GLIPR1: variants seen among roughly 807,000 people sequenced by gnomAD.
GLIPR1 encodes the protein GLI pathogenesis related 1.
A neutral mutation model predicts 30.3 loss-of-function variants in GLIPR1; 38 were observed. That is an observed-to-expected ratio of 1.26 (90% confidence interval 0.97 to 1.65). The LOEUF (loss-of-function observed/expected upper bound fraction) is 1.65. Among genes scored for constraint, GLIPR1 ranks in the 40% most tolerant of loss-of-function variants. GLIPR1 has a pLI of 0.00. For synonymous variants in GLIPR1, 122 were observed against 110.6 expected (o/e 1.10, Z -0.65); for missense variants, 285 against 326.5 (o/e 0.87, Z 0.98).
intron 2 of GLIPR1, chr12:75,483,398 G>A (rs2046280227): frequency 6.6e-6 from 1 of 152,142 alleles, no homozygotes; most frequent in Non-Finnish European, 1.5e-5. Context: ...CCCTATAACA[G>A]GCACTAGTGA....
At position 75,480,837 on chromosome 12, in the gene GLIPR1, C is replaced by T. The variant is rs767729754; in HGVS notation, c.-44C>T. Reference sequence around the variant, plus strand: ...GCAATCACACTCTCAGAAACTGCGGCGGCTCTGGACTGCAGCCTCCCAAGG... The same window carrying T: ...GCAATCACACTCTCAGAAACTGCGGTGGCTCTGGACTGCAGCCTCCCAAGG... On this transcript the variant is annotated 5_prime_UTR_variant, in exon 1 of 6. Coordinates refer to ENST00000266659, the MANE Select transcript of GLIPR1 (RefSeq NM_006851.3). 2.4e-5 allele frequency: 36 copies of T among 1,499,612 alleles called. No individual in the cohort carries two copies. Among genetic ancestry groups the T allele is most frequent in the East Asian group, 2.3e-5 (1 of 43,690 alleles). 92.9% of individuals were successfully genotyped at this position (1,499,612 alleles called of 1,614,324 possible). A position where few individuals can be genotyped will look rare whatever the true frequency, so the allele number is the denominator to read the frequency against.
chr12:75,502,025 A>G lies in GLIPR1; in HGVS notation c.*3047A>G. The G allele has an allele frequency of 6.3e-7, 1 of 1,577,222 alleles. No individual in the cohort carries two copies. The highest frequency in any genetic ancestry group is 1.1e-5 in the South Asian group (1 of 90,114). On this transcript the variant is annotated 3_prime_UTR_variant, in exon 6 of 6. Transcript: ENST00000266659. Reference sequence around the variant, plus strand: ...TCTGTTGAAAACGGTATTTACAATTACATCAGAAATAATGTAGAGGAGAAG... The same window carrying G: ...TCTGTTGAAAACGGTATTTACAATTGCATCAGAAATAATGTAGAGGAGAAG...
In GLIPR1 at chr12:75,500,139, C is replaced by A; in HGVS notation, c.*1161C>A. 2.3e-6 allele frequency: 1 copy of A among 431,728 alleles called. No individual in the cohort carries two copies. Among genetic ancestry groups the A allele is most frequent in the Non-Finnish European group, 4.0e-6 (1 of 250,326 alleles). 26.7% of individuals were successfully genotyped at this position (431,728 alleles called of 1,614,324 possible). A position where few individuals can be genotyped will look rare whatever the true frequency, so the allele number is the denominator to read the frequency against. On this transcript the variant is annotated 3_prime_UTR_variant, in exon 6 of 6. Transcript: ENST00000266659. The stretch of plus-strand genomic sequence containing the variant: ...TGCCTAAAGCAGTTAGAAATTTCTT[C>A]AGATTAAGATAAAACAAATCATAAA...
intron 2 of GLIPR1, among the ~76,000 whole-genome samples, chr12:75,489,277 GTC>G (rs1394592381): frequency 6.6e-6 from 1 of 152,108 alleles, no homozygotes. Flanking sequence ...AACAGCGCAG[GTC>G]TCTCTGTTCT....
chr12:75,486,476 TAGATAA>T (rs2046294516), intron 2 of GLIPR1, among the ~76,000 whole-genome samples: 1 of 152,206 alleles, frequency 6.6e-6, no homozygotes, highest in Non-Finnish European at 1.5e-5. Flanking sequence ...CCTCATTTAA[TAGATAA>T]GGAACCTAAG....
intron 2 of GLIPR1, 48 bp from the exon 3 acceptor site, chr12:75,490,358 T>A (rs779361454): frequency 9.6e-7 from 1 of 1,036,418 alleles, no homozygotes. Flanking sequence ...TCATACCCAA[T>A]GTTTATCTTA....
At chr12:75,484,258 C>G (rs1566095389) in intron 2 of GLIPR1, 1 of 152,174 alleles carries the variant, frequency 6.6e-6, no homozygotes, top group Admixed American at 6.5e-5. Context: ...TGTCCAAGAA[C>G]CCCCTGGGCT....
Position 75,501,664 on chromosome 12 carries a change from T to C in GLIPR1, c.*2686T>C, listed in dbSNP as rs998634305. On this transcript the variant is annotated 3_prime_UTR_variant, in exon 6 of 6. Coordinates refer to ENST00000266659, the MANE Select transcript of GLIPR1 (RefSeq NM_006851.3). ...TGTTTCTTAAAAAGATTCAGACAAA[T>C]TTATTATGGGTTTACTTTTCCTAAT... 7 of 1,132,154 alleles carry C rather than the reference T, an allele frequency of 6.2e-6. No individual in the cohort carries two copies. In the African/African-American group the frequency reaches 1.1e-4, roughly 18 times the overall value. 70.1% of individuals were successfully genotyped at this position (1,132,154 alleles called of 1,614,324 possible).
chr12:75,497,376 T>A (rs779453885), intron 4 of GLIPR1: 5 of 152,178 alleles, frequency 3.3e-5, no homozygotes, highest in Non-Finnish European at 7.3e-5. Flanking sequence ...CTTGGACTCT[T>A]GAGAAAACAC....
chr12:75,498,665 T>C (rs2046367216), intron 4 of GLIPR1, 29 bp from the exon 5 acceptor site: 4 of 1,595,924 alleles, frequency 2.5e-6, no homozygotes, highest in Non-Finnish European at 3.4e-6. Flanking sequence ...CCTTTTAATT[T>C]TTTTTCTTTC....
chr12:75,493,103 G>A (rs905519152), intron 3 of GLIPR1: 1 of 152,120 alleles, frequency 6.6e-6, no homozygotes, highest in South Asian at 2.1e-4. Context: ...GATGAAACGG[G>A]GGGAGGAAGG....
In GLIPR1 at chr12:75,503,697, T is replaced by C. The variant is rs772683572; in HGVS notation, c.*4719T>C. 5.2e-4 allele frequency: 203 copies of C among 387,560 alleles called. No individual in the cohort carries two copies. Among genetic ancestry groups the C allele is most frequent in the Non-Finnish European group, 6.8e-4 (148 of 217,432 alleles). The allele number at this position is 387,560 out of a possible 1,614,324, so 24.0% of individuals were successfully genotyped here. A position where few individuals can be genotyped will look rare whatever the true frequency, so the allele number is the denominator to read the frequency against. Reference sequence around the variant, plus strand: ...CAAACCTCCTGGATGCAGTTTATAATCAATGTGAACGCCCCACTGCACACC... The same window carrying C: ...CAAACCTCCTGGATGCAGTTTATAACCAATGTGAACGCCCCACTGCACACC... On this transcript the variant is annotated 3_prime_UTR_variant, in exon 6 of 6. Coordinates refer to ENST00000266659, the MANE Select transcript of GLIPR1 (RefSeq NM_006851.3).
intron 2 of GLIPR1, 67 bp downstream of exon 2, chr12:75,482,146 A>T (rs192165161): frequency 2.3e-5 from 31 of 1,372,638 alleles, no homozygotes; most frequent in Non-Finnish European, 3.0e-5. Context: ...TTGTACTATG[A>T]AGTTAAGAAA....
At chr12:75,481,501 C>T (rs1416017839) in intron 1 of GLIPR1, 1 of 278,256 alleles carries the variant, frequency 3.6e-6, no homozygotes, top group Non-Finnish European at 6.9e-6. Context: ...AGATCTGTGG[C>T]TTTAAGCTGG....
chr12:75,503,676 C>A lies in GLIPR1; in HGVS notation c.*4698C>A. 2.9e-6 allele frequency: 1 copy of A among 349,504 alleles called. No homozygotes were observed. Among genetic ancestry groups the A allele is most frequent in the Non-Finnish European group, 5.2e-6 (1 of 193,740 alleles). 21.7% of individuals were successfully genotyped at this position (349,504 alleles called of 1,614,324 possible). A position where few individuals can be genotyped will look rare whatever the true frequency, so the allele number is the denominator to read the frequency against. On this transcript the variant is annotated 3_prime_UTR_variant, in exon 6 of 6. Coordinates refer to ENST00000266659, the MANE Select transcript of GLIPR1 (RefSeq NM_006851.3). ...TTTACAGTGGCTACAGGGTCACAAA[C>A]CTCCTGGATGCAGTTTATAATCAAT...
Position 75,500,298 on chromosome 12 carries a change from T to G in GLIPR1, c.*1320T>G. 1 of 156,442 alleles carries G rather than the reference T, an allele frequency of 6.4e-6. No individual in the cohort carries two copies. Among genetic ancestry groups the G allele is most frequent in the African/African-American group, 2.4e-5 (1 of 41,700 alleles). 9.7% of individuals were successfully genotyped at this position (156,442 alleles called of 1,614,324 possible). A position where few individuals can be genotyped will look rare whatever the true frequency, so the allele number is the denominator to read the frequency against. Reference sequence around the variant, plus strand: ...ACTAAATTATTTTACCTACATTCTTTTCCATATTTTGGAACTTCTGAGTCA... The same window carrying G: ...ACTAAATTATTTTACCTACATTCTTGTCCATATTTTGGAACTTCTGAGTCA... On this transcript the variant is annotated 3_prime_UTR_variant, in exon 6 of 6. Coordinates refer to ENST00000266659, the MANE Select transcript of GLIPR1 (RefSeq NM_006851.3).
intron 2 of GLIPR1, chr12:75,489,955 A>C (rs1251819515): frequency 6.4e-6 from 1 of 155,878 alleles, no homozygotes; most frequent in South Asian, 1.9e-4. Context: ...CCAATCTATA[A>C]TGCCAAGCAA....
In GLIPR1 at chr12:75,501,576, C is replaced by T. The variant is rs2046394334; in HGVS notation, c.*2598C>T. On this transcript the variant is annotated 3_prime_UTR_variant, in exon 6 of 6. Transcript: ENST00000266659. ...CCTCTAAATTATAAATTATCTCAGC[C>T]ATCCCTTGTCCTTAGGATTAGTAAT... 1 of 604,088 alleles carries T rather than the reference C, an allele frequency of 1.7e-6. No homozygotes were observed. The allele number at this position is 604,088 out of a possible 1,614,324, so 37.4% of individuals were successfully genotyped here. A position where few individuals can be genotyped will look rare whatever the true frequency, so the allele number is the denominator to read the frequency against.
At chr12:75,483,138 A>G (rs2046279013) in intron 2 of GLIPR1, among the ~76,000 whole-genome samples, 1 of 152,202 alleles carries the variant, frequency 6.6e-6, no homozygotes, top group African/African-American at 2.4e-5. Flanking sequence ...AATTATTATA[A>G]GAGTAAAATG....
Sources: allele counts gnomAD v4.1 joint callset (sites outside exome capture counted in the v4.1 genomes callset), GRCh38; gene constraint gnomAD v4.1.1; transcripts MANE v1.5; gene names NCBI Gene and HGNC (gene_info 2026-07-23, HGNC 2026-07-21).